The following SLC1A3 variants were observed in gnomAD, a reference collection of about 807,000 sequenced individuals.
The protein encoded by SLC1A3 is solute carrier family 1 member 3.
In SLC1A3, 21 loss-of-function variants were observed where a neutral mutation model predicts 48.1. The observed-to-expected ratio is 0.44, with a 90% CI of 0.31 to 0.63. The LOEUF is 0.63. SLC1A3 is among the 20% of genes least tolerant of loss of function. The pLI, the probability that SLC1A3 is intolerant of heterozygous loss-of-function variation, is 0.08. For synonymous variants in SLC1A3, 239 were observed against 251.4 expected, an observed-to-expected ratio of 0.95 and a Z score of 0.47; for missense variants, 546 against 689.0, an observed-to-expected ratio of 0.79 and a Z score of 2.32.
chr5:36,626,081 T>G (rs947788503), intron 2 of SLC1A3, among the ~76,000 whole-genome samples: 5 of 152,242 alleles, frequency 3.3e-5, no homozygotes, highest in Admixed American at 3.3e-4. Context: ...TCCTAATACC[T>G]AAATAAAAAT....
intron 3 of SLC1A3, among the ~76,000 whole-genome samples, chr5:36,655,206 A>C (rs1396772836): frequency 6.6e-6 from 1 of 152,120 alleles, no homozygotes; most frequent in East Asian, 1.9e-4. Context: ...ATTCTGCTTT[A>C]ATATTATAAA....
At chr5:36,645,238 G>A (rs890314924) in intron 3 of SLC1A3, among the ~76,000 whole-genome samples, 1 of 140,418 alleles carries the variant, frequency 7.1e-6, no homozygotes, top group Non-Finnish European at 1.5e-5. Flanking sequence ...CTCAAGTTCT[G>A]TTTTTGGGGA....
At chr5:36,684,461 A>G (rs1742566486) in intron 9 of SLC1A3, among the ~76,000 whole-genome samples, 1 of 152,204 alleles carries the variant, frequency 6.6e-6, no homozygotes, top group Non-Finnish European at 1.5e-5. Flanking sequence ...CGACACTGGG[A>G]AGAGAGCTAG....
At chr5:36,632,056 C>T (rs1229285645) in intron 3 of SLC1A3, among the ~76,000 whole-genome samples, 1 of 152,084 alleles carries the variant, frequency 6.6e-6, no homozygotes, top group Non-Finnish European at 1.5e-5. Context: ...TTTTGTTTTC[C>T]TATTTTGATA....
chr5:36,670,541 C>G (rs1741946110), intron 3 of SLC1A3, among the ~76,000 whole-genome samples: 3 of 152,116 alleles, frequency 2.0e-5, no homozygotes, highest in Admixed American at 1.3e-4. Context: ...TAAAATAATT[C>G]TTTTGAAAGA....
At chr5:36,653,342 C>T (rs1466076326) in intron 3 of SLC1A3, among the ~76,000 whole-genome samples, 1 of 152,172 alleles carries the variant, frequency 6.6e-6, no homozygotes, top group African/African-American at 2.4e-5. Flanking sequence ...ATTTCAACAG[C>T]TTTTAGGCCT....
chr5:36,666,847 T>A (rs1343969500), intron 3 of SLC1A3, among the ~76,000 whole-genome samples: 2 of 152,234 alleles, frequency 1.3e-5, no homozygotes, highest in Non-Finnish European at 2.9e-5. Flanking sequence ...TAAAATCCCA[T>A]GAATTTGGTG....
At chr5:36,683,692 AGT>A (rs914439331) in intron 8 of SLC1A3, among the ~76,000 whole-genome samples, 170 bp from the exon 9 acceptor site, 1 of 135,888 alleles carries the variant, frequency 7.4e-6, no homozygotes, top group African/African-American at 2.8e-5. Flanking sequence ...TGGGCAACAG[AGT>A]GAGATACTGT....
At chr5:36,650,496 G>A (rs1258772989) in intron 3 of SLC1A3, among the ~76,000 whole-genome samples, 1 of 152,172 alleles carries the variant, frequency 6.6e-6, no homozygotes, top group East Asian at 1.9e-4. Context: ...TTGAAGGCTA[G>A]CTCTCACATT....
chr5:36,630,219 A>G (rs1740084270), intron 3 of SLC1A3, among the ~76,000 whole-genome samples: 2 of 152,124 alleles, frequency 1.3e-5, no homozygotes, highest in South Asian at 4.1e-4. Context: ...ATCAGTGGAC[A>G]CTTGGATTTT....
chr5:36,653,275 G>A (rs1269360401), intron 3 of SLC1A3, among the ~76,000 whole-genome samples: 2 of 152,214 alleles, frequency 1.3e-5, no homozygotes, highest in Non-Finnish European at 2.9e-5. Flanking sequence ...GTGTTTGGCA[G>A]CATTGTGAGC....
At position 36,671,067 on chromosome 5, in the gene SLC1A3, G is replaced by A; in HGVS notation, c.358G>A (p.Gly120Arg). The A allele has an allele frequency of 2.5e-6, 4 of 1,614,010 alleles. No individual in the cohort carries two copies. The highest frequency in any genetic ancestry group is 3.4e-6 in the Non-Finnish European group (4 of 1,179,904). ...AGATAGTAAGGCATCAGGGAAGATG[G>A]GAATGCGAGCTGTAGTCTATTATAT... The part of the protein sequence containing the change: ...ALDSKASGKM[G>R]MRAVVYYMTT... The change falls in exon 4 of 10, where the codon GGA (glycine) becomes AGA (arginine). Residue 120 changes from glycine to arginine, a missense_variant. Physicochemically the swap from Gly to Arg is moderately radical, Grantham distance 125 (BLOSUM62 -2). Around this residue, in one of 3 missense-constraint regions of SLC1A3, gnomAD observed 348 missense variants for 392.0 expected, o/e 0.89. Transcript: ENST00000265113.
intron 2 of SLC1A3, among the ~76,000 whole-genome samples, chr5:36,610,818 C>T (rs992605288): frequency 2.0e-5 from 3 of 152,006 alleles, no homozygotes; most frequent in South Asian, 2.1e-4. Flanking sequence ...ATAAGTTGGC[C>T]GGGTGCCCTC....
intron 1 of SLC1A3, among the ~76,000 whole-genome samples, chr5:36,597,944 C>A (rs1355643672): frequency 6.6e-6 from 1 of 152,176 alleles, no homozygotes; most frequent in Non-Finnish European, 1.5e-5. Flanking sequence ...TCCTCTGACA[C>A]GTATTTCATT....
chr5:36,633,928 C>T (rs979078588), intron 3 of SLC1A3, among the ~76,000 whole-genome samples: 2 of 152,172 alleles, frequency 1.3e-5, no homozygotes, highest in African/African-American at 2.4e-5. Context: ...TAAATTGATG[C>T]AATTGCCTAA....
In SLC1A3 at chr5:36,680,604, T is replaced by A. The variant is rs751041640; in HGVS notation, c.1289+15T>A. ...ATTACAATCAGGTACAAGGAAAGAG[T>A]TCTATACACCCTTTCTTAAGAATGC... On this transcript the variant is annotated intron_variant, in intron 8 of 9. Transcript: ENST00000265113. 2 of 1,601,716 alleles carry A rather than the reference T, an allele frequency of 1.2e-6. No homozygotes were observed. The highest frequency in any genetic ancestry group is 2.2e-5 in the South Asian group (2 of 90,804).
intron 3 of SLC1A3, among the ~76,000 whole-genome samples, chr5:36,644,918 G>A (rs1256710004): frequency 1.3e-5 from 2 of 152,240 alleles, no homozygotes; most frequent in East Asian, 1.9e-4. Context: ...GCAACAGGAG[G>A]ACCTCTGGAT....
chr5:36,669,942 C>A (rs1741917636), intron 3 of SLC1A3: 1 of 145,894 alleles, frequency 6.9e-6, no homozygotes. Context: ...TTTGTGGAAA[C>A]ACCATTTTAA....
chr5:36,643,015 T>A (rs1740682295), intron 3 of SLC1A3, among the ~76,000 whole-genome samples: 1 of 152,274 alleles, frequency 6.6e-6, no homozygotes, highest in Non-Finnish European at 1.5e-5. Context: ...CATGTCCATA[T>A]TCCATATATG....
Sources: gnomAD v4.1 joint callset for allele counts (sites outside exome capture counted in the v4.1 genomes callset) on GRCh38, gnomAD v4.1.1 for gene constraint, gnomAD v4.1.1 regional missense constraint, MANE v1.5 for transcripts, NCBI Gene and HGNC (gene_info 2026-07-23, HGNC 2026-07-21) for gene names.